PTPRQ: variants seen among roughly 807,000 people sequenced by gnomAD.
The protein encoded by PTPRQ is phosphatidylinositol phosphatase PTPRQ.
A neutral mutation model predicts 246.0 loss-of-function variants in PTPRQ; 199 were observed. The observed-to-expected ratio is 0.81, with a 90% CI of 0.72 to 0.91. The LOEUF (loss-of-function observed/expected upper bound fraction) is 0.91. Among genes scored for constraint, PTPRQ ranks in the 40% least tolerant of loss-of-function variants. The pLI is 0.00. For missense variants in PTPRQ, 2,624 were observed against 2,528.4 expected, an observed-to-expected ratio of 1.04 and a Z score of -0.81; for synonymous variants, 869 against 853.2, an observed-to-expected ratio of 1.02 and a Z score of -0.32.
intron 33 of PTPRQ, 61 bp downstream of exon 33, chr12:80,622,195 T>C: frequency 1.3e-5 from 15 of 1,156,686 alleles, no homozygotes; most frequent in Non-Finnish European, 1.6e-5. Context: ...GGAACATTTA[T>C]TAGTAAATGT....
At chr12:80,565,593 A>G (rs963685475) in intron 25 of PTPRQ, among the ~76,000 whole-genome samples, 1 of 152,168 alleles carries the variant, frequency 6.6e-6, no homozygotes, top group Non-Finnish European at 1.5e-5. Context: ...ATATGACGTG[A>G]AAGCTTCAGG....
intron 25 of PTPRQ, among the ~76,000 whole-genome samples, chr12:80,570,507 C>G (rs972588957): frequency 6.6e-6 from 1 of 151,990 alleles, no homozygotes; most frequent in Non-Finnish European, 1.5e-5. Context: ...GGATAGATTG[C>G]AAAAATTTTC....
intron 17 of PTPRQ, among the ~76,000 whole-genome samples, 156 bp from the exon 18 acceptor site, chr12:80,533,859 C>A (rs1359547303): frequency 1.3e-5 from 2 of 151,918 alleles, no homozygotes; most frequent in Admixed American, 6.6e-5. Flanking sequence ...CTGAAATTTA[C>A]TATTTTCAGT....
Position 80,671,919 on chromosome 12 carries a change from C to A in PTPRQ, c.6603-1250C>A, listed in dbSNP as rs560115584. Among the ~76,000 whole-genome samples the A allele has an allele frequency of 3.3e-5, 5 of 152,192 alleles. No individual in the cohort carries two copies. The East Asian group carries it at 9.7e-4, about 30-fold the overall frequency. On this transcript the variant is annotated intron_variant, in intron 42 of 44. Coordinates refer to ENST00000644991, the MANE Select transcript of PTPRQ (RefSeq NM_001145026.2). ...TGTACTCTCACCTCCCTGGTCTCCCCTGATTTTTGAACATTCAAAAATGCT... is the reference window on the plus strand; with the variant it reads ...TGTACTCTCACCTCCCTGGTCTCCCATGATTTTTGAACATTCAAAAATGCT...
intron 30 of PTPRQ, among the ~76,000 whole-genome samples, chr12:80,618,436 G>A (rs1898850792): frequency 6.7e-6 from 1 of 150,058 alleles, no homozygotes; most frequent in African/African-American, 2.4e-5. Flanking sequence ...AACAAGCAGA[G>A]CTTCTATACA....
At chr12:80,618,525 T>C (rs906210987) in intron 30 of PTPRQ, among the ~76,000 whole-genome samples, 29 of 151,542 alleles carry the variant, frequency 1.9e-4, no homozygotes, top group African/African-American at 6.5e-4. Context: ...TCTGTTAATC[T>C]GTTAAGGTTA....
intron 15 of PTPRQ, 25 bp downstream of exon 15, chr12:80,506,231 A>G (rs748144862): frequency 2.1e-6 from 3 of 1,443,322 alleles, no homozygotes; most frequent in South Asian, 2.9e-5. Flanking sequence ...CTAATATTGG[A>G]TATTTGCATT....
chr12:80,537,371 G>A (rs913839826), intron 19 of PTPRQ, among the ~76,000 whole-genome samples: 8 of 152,050 alleles, frequency 5.3e-5, no homozygotes, highest in Non-Finnish European at 1.0e-4. Context: ...TGTAGAATAT[G>A]TCATGCATGG....
chr12:80,448,374 C>G (rs1369316602), intron 3 of PTPRQ, among the ~76,000 whole-genome samples: 1 of 151,374 alleles, frequency 6.6e-6, no homozygotes, highest in Non-Finnish European at 1.5e-5. Context: ...AATTTGGATG[C>G]CTTTTTAAAA....
chr12:80,540,784 G>T (rs575153728), intron 20 of PTPRQ, among the ~76,000 whole-genome samples: 1 of 152,056 alleles, frequency 6.6e-6, no homozygotes, highest in Non-Finnish European at 1.5e-5. Flanking sequence ...TAGCAAAAAT[G>T]TTATATTGTA....
At chr12:80,657,316 A>G (rs1050047480) in intron 38 of PTPRQ, among the ~76,000 whole-genome samples, 6 of 152,016 alleles carry the variant, frequency 3.9e-5, no homozygotes, top group African/African-American at 1.4e-4. Context: ...TATTTGTACA[A>G]AGAACATAAA....
chr12:80,601,118 G>T (rs551139755), intron 26 of PTPRQ, among the ~76,000 whole-genome samples: 1 of 151,672 alleles, frequency 6.6e-6, no homozygotes, highest in Non-Finnish European at 1.5e-5. Context: ...AAATAGTAAC[G>T]CCCTAAGCAT....
rs1478519011 is a variant in PTPRQ at position 80,620,173 on chromosome 12, A to G, written c.5409A>G (p.Val1803=). The G allele has an allele frequency of 3.9e-6, 6 of 1,546,478 alleles. No individual in the cohort carries two copies. The highest frequency in any genetic ancestry group is 5.2e-6 in the Non-Finnish European group (6 of 1,144,160). The change falls in exon 32 of 45, where the codon GTA becomes GTG. Residue 1803 remains valine (V), a synonymous_variant. Transcript: ENST00000644991. ...AAACAGCTCAGCATGATGGAAATGT[A>G]ACAAAGTGGTATGATGCATATTTTA... ...TETGAQHDGN[V]TKWYDAYFNK...
At chr12:80,518,490 G>A (rs913253191) in intron 17 of PTPRQ, among the ~76,000 whole-genome samples, 1 of 152,012 alleles carries the variant, frequency 6.6e-6, no homozygotes, top group African/African-American at 2.4e-5. Flanking sequence ...TTAACTAGTT[G>A]TGATCCTGTT....
intron 25 of PTPRQ, among the ~76,000 whole-genome samples, chr12:80,551,639 G>A (rs1030860865): frequency 5.3e-5 from 8 of 152,036 alleles, no homozygotes; most frequent in African/African-American, 1.9e-4. Context: ...TAGGAGATGG[G>A]TTAAAATACT....
At chr12:80,473,033 A>ACACACACACGCG (rs1893692134) in intron 8 of PTPRQ, among the ~76,000 whole-genome samples, 4 of 99,248 alleles carry the variant, frequency 4.0e-5, no homozygotes, top group Admixed American at 1.1e-4. Flanking sequence ...ACACACACAC[A>ACACACACACGCG]CACTCACACA....
intron 14 of PTPRQ, among the ~76,000 whole-genome samples, chr12:80,505,097 T>C (rs1309728797): frequency 5.3e-5 from 8 of 151,900 alleles, no homozygotes; most frequent in Non-Finnish European, 5.9e-5. Flanking sequence ...TCACTCATCT[T>C]TCAGCGGGCC....
intron 26 of PTPRQ, among the ~76,000 whole-genome samples, chr12:80,602,968 T>C (rs1898192996): frequency 6.6e-6 from 1 of 151,772 alleles, no homozygotes; most frequent in Non-Finnish European, 1.5e-5. Flanking sequence ...CTCAGACTTC[T>C]GGAGGTTCTC....
intron 13 of PTPRQ, 62 bp from the exon 14 acceptor site, chr12:80,496,188 G>C: frequency 6.5e-7 from 1 of 1,541,304 alleles, no homozygotes; most frequent in Middle Eastern, 1.7e-4. Context: ...CTACCTCTAG[G>C]GTCTAAAGCA....
Sources: gnomAD v4.1 joint callset for allele counts (sites outside exome capture counted in the v4.1 genomes callset) on GRCh38, gnomAD v4.1.1 for gene constraint, MANE v1.5 for transcripts, NCBI Gene and HGNC (gene_info 2026-07-23, HGNC 2026-07-21) for gene names.